MAEL: variants seen among roughly 807,000 people sequenced by gnomAD.
The protein encoded by MAEL is protein maelstrom homolog.
In MAEL, 46 loss-of-function variants were observed where a neutral mutation model predicts 62.0. The observed-to-expected ratio is 0.74, with a 90% CI of 0.59 to 0.95. MAEL has a LOEUF of 0.95. MAEL is among the 40% of genes least tolerant of loss of function. MAEL has a pLI of 0.00. For synonymous variants in MAEL, 172 were observed against 175.5 expected (o/e 0.98, Z 0.16); for missense variants, 497 against 526.8 (o/e 0.94, Z 0.55).
At chr1:166,988,185 C>CA (rs1449677947), upstream of MAEL, among the ~76,000 whole-genome samples, 13 of 151,550 alleles carry the variant, frequency 8.6e-5, 1 homozygote, top group South Asian at 2.5e-3. Flanking sequence ...CTCGTCTCTA[C>CA]AAAAAACAGA....
At chr1:166,989,188 G>C (rs1022014534), upstream of MAEL, 4 of 927,880 alleles carry the variant, frequency 4.3e-6, no homozygotes, top group Non-Finnish European at 6.3e-6. Context: ...CCAGTCTCAG[G>C]CTGTTTGTTC....
rs148141148 is a variant in MAEL, at chr1:167,010,415, G to T, written c.845+5018G>T. Among the ~76,000 whole-genome samples the T allele has an allele frequency of 1.8e-4, 28 of 152,022 alleles. No individual in the cohort carries two copies. In the East Asian group the frequency reaches 4.8e-3, roughly 26 times the overall value. ...GGGGTATGAGAAATTATCAGCTAAA[G>T]TGTTTTGATTCTCCTTTTCTGTTTT... On this transcript the variant is annotated intron_variant, in intron 8 of 11. Coordinates refer to ENST00000367872, the MANE Select transcript of MAEL (RefSeq NM_032858.3).
At chr1:166,994,916 C>T (rs1233562004) in intron 5 of MAEL, among the ~76,000 whole-genome samples, 1 of 150,184 alleles carries the variant, frequency 6.7e-6, no homozygotes, top group African/African-American at 2.4e-5. Flanking sequence ...GATCCGCCCA[C>T]ATCGGTCTCC....
chr1:167,001,656 T>C (rs1321834626), intron 5 of MAEL, among the ~76,000 whole-genome samples: 1 of 152,236 alleles, frequency 6.6e-6, no homozygotes, highest in Non-Finnish European at 1.5e-5. Context: ...TGTGGCAGTC[T>C]GGAACTGAAC....
intron 5 of MAEL, among the ~76,000 whole-genome samples, chr1:166,994,895 A>G (rs928780030): frequency 3.3e-5 from 5 of 149,636 alleles, no homozygotes; most frequent in Non-Finnish European, 7.4e-5. Flanking sequence ...GTCTCGATCT[A>G]TTGACCTTGT....
intron 8 of MAEL, among the ~76,000 whole-genome samples, chr1:167,011,838 T>C (rs915329704): frequency 1.3e-5 from 2 of 152,204 alleles, no homozygotes; most frequent in Admixed American, 1.3e-4. Flanking sequence ...ATTCTAATTT[T>C]GGTTAAAATG....
intron 10 of MAEL, among the ~76,000 whole-genome samples, chr1:167,020,575 C>G (rs1433364545): frequency 6.6e-6 from 1 of 152,136 alleles, no homozygotes; most frequent in Non-Finnish European, 1.5e-5. Context: ...CACCTTTGCT[C>G]TAGCTGATTC....
intron 4 of MAEL, among the ~76,000 whole-genome samples, chr1:166,993,106 C>T (rs1174516174): frequency 1.3e-5 from 2 of 152,170 alleles, no homozygotes; most frequent in Non-Finnish European, 2.9e-5. Context: ...ATTCACCTAC[C>T]TATGGCCTTA....
intron 1 of MAEL, among the ~76,000 whole-genome samples, chr1:166,982,814 T>A (rs1307972032): frequency 6.6e-6 from 1 of 152,182 alleles, no homozygotes; most frequent in Non-Finnish European, 1.5e-5. Context: ...CTCACTTTAC[T>A]CCAGCCATGT....
chr1:166,985,654 CAAACT>C (rs1173289118), upstream of MAEL, among the ~76,000 whole-genome samples: 1 of 152,164 alleles, frequency 6.6e-6, no homozygotes, highest in Non-Finnish European at 1.5e-5. Flanking sequence ...AAACCAGACT[CAAACT>C]GTTTCCAAGT....
chr1:166,996,288 A>C (rs1390362016), intron 5 of MAEL, among the ~76,000 whole-genome samples: 1 of 152,180 alleles, frequency 6.6e-6, no homozygotes, highest in Non-Finnish European at 1.5e-5. Flanking sequence ...GGATCTCTCA[A>C]ATACTCCTGT....
At position 166,997,649 on chromosome 1, in the gene MAEL, T is replaced by C. The variant is rs1664486806; in HGVS notation, c.523+3580T>C. ...TTGAATTCCTGGGCTTAAGTGATCC[T>C]CCTGCCTCACTCTCCTGAGTAGCTG... On this transcript the variant is annotated intron_variant, in intron 5 of 11. Coordinates refer to ENST00000367872, the MANE Select transcript of MAEL (RefSeq NM_032858.3). 4.6e-5 allele frequency among the ~76,000 whole-genome samples: 7 copies of C among 152,226 alleles called. 1 individual carries two copies. In the South Asian group the frequency reaches 1.0e-3, roughly 23 times the overall value.
chr1:166,977,134 G>A (rs1663616346), intron 1 of MAEL, among the ~76,000 whole-genome samples: 1 of 152,200 alleles, frequency 6.6e-6, no homozygotes, highest in Non-Finnish European at 1.5e-5. Context: ...GTGATTTTTG[G>A]CTGTGGTCTT....
intron 8 of MAEL, among the ~76,000 whole-genome samples, chr1:167,011,289 C>CTAGT (rs1665163730): frequency 6.6e-6 from 1 of 152,168 alleles, no homozygotes; most frequent in African/African-American, 2.4e-5. Context: ...TTATAGACAA[C>CTAGT]TGAGTTTTGT....
Position 167,008,578 on chromosome 1 carries a change from A to G in MAEL, c.845+3181A>G, listed in dbSNP as rs1019296593. On this transcript the variant is annotated intron_variant, in intron 8 of 11. Transcript: ENST00000367872. ...TTTAATTTATTAGACCTGTTTTTCT[A>G]TTCTCTTCCTAATTAATTTTTGCTG... Among the ~76,000 whole-genome samples, 8 of 151,726 alleles carry G rather than the reference A, an allele frequency of 5.3e-5. No individual in the cohort carries two copies. In the East Asian group the frequency reaches 5.8e-4, roughly 11 times the overall value.
chr1:166,998,108 C>T (rs1571252952), intron 5 of MAEL, among the ~76,000 whole-genome samples: 1 of 152,090 alleles, frequency 6.6e-6, no homozygotes, highest in East Asian at 1.9e-4. Flanking sequence ...ATAGATAAGC[C>T]CCCGACCTCA....
chr1:167,017,495 G>A (rs1197201661), intron 9 of MAEL, among the ~76,000 whole-genome samples: 1 of 152,108 alleles, frequency 6.6e-6, no homozygotes, highest in Non-Finnish European at 1.5e-5. Context: ...TCACAGGATA[G>A]ATTAGTGTTT....
chr1:167,001,316 C>T (rs1664655091), intron 5 of MAEL, among the ~76,000 whole-genome samples: 1 of 152,118 alleles, frequency 6.6e-6, no homozygotes, highest in South Asian at 2.1e-4. Flanking sequence ...TCGGTGTATA[C>T]TACTCGGGTG....
Position 167,004,192 on chromosome 1 carries a change from A to G in MAEL, c.536A>G (p.His179Arg). The change falls in exon 6 of 12, where the codon CAC becomes CGC. Residue 179 changes from histidine to arginine, a missense_variant. Coordinates refer to ENST00000367872, the MANE Select transcript of MAEL (RefSeq NM_032858.3). ...TTATTTCCCTCAGGTGATTCTAGTC[A>G]CAAGATTCCTATTTCAAATTTTGAA... ...FHCQAASDSS[H>R]KIPISNFERG... 1.2e-6 allele frequency: 2 copies of G among 1,607,966 alleles called. No homozygotes were observed. Among genetic ancestry groups the G allele is most frequent in the Non-Finnish European group, 8.5e-7 (1 of 1,177,528 alleles).
Sources: allele counts gnomAD v4.1 joint callset (sites outside exome capture counted in the v4.1 genomes callset), GRCh38; gene constraint gnomAD v4.1.1; transcripts MANE v1.5; gene names NCBI Gene and HGNC (gene_info 2026-07-23, HGNC 2026-07-21).